Variants in RB1CC1 observed in about 807,000 individuals in gnomAD.
RB1CC1 encodes the protein RB1-inducible coiled-coil protein 1.
In RB1CC1, 46 loss-of-function variants were observed where a neutral mutation model predicts 177.5. The ratio of observed to expected loss-of-function variants is 0.26; its 90% CI spans 0.20 to 0.33. The LOEUF is 0.33. Among genes scored for constraint, RB1CC1 ranks in the 10% least tolerant of loss-of-function variants. The pLI, the probability that RB1CC1 is intolerant of heterozygous loss-of-function variation, is 1.00. For synonymous variants in RB1CC1, 666 were observed against 613.6 expected (o/e 1.09, Z -1.26); for missense variants, 1,703 against 1,816.3 (o/e 0.94, Z 1.13).
intron 1 of RB1CC1, among the ~76,000 whole-genome samples, chr8:52,709,050 A>C (rs1373421484): frequency 6.6e-6 from 1 of 152,040 alleles, no homozygotes; most frequent in Non-Finnish European, 1.5e-5. Context: ...TCTACTAAAA[A>C]CACAAAATTA....
At chr8:52,636,720 C>T (rs1849169594) in intron 18 of RB1CC1, among the ~76,000 whole-genome samples, 1 of 152,102 alleles carries the variant, frequency 6.6e-6, no homozygotes, top group Admixed American at 6.5e-5. Flanking sequence ...ATAATTTTAG[C>T]TTTTACACTT....
chr8:52,714,401 A>ACACCGCCGCGGC lies in RB1CC1; in HGVS notation c.-505_-494dup, dbSNP rs1857328074. On this transcript the variant is annotated 5_prime_UTR_variant, in exon 1 of 24. Transcript: ENST00000025008. ...CGCCGAGGGCTCGGCAGGGCCGCGG[A>ACACCGCCGCGGC]CACCGCCGCGGCTTGGTTTGTTATT... is the stretch of plus-strand genomic sequence containing the variant. The ACACCGCCGCGGC allele has an allele frequency of 6.6e-6, 1 of 152,392 alleles. No homozygotes were observed. Among genetic ancestry groups the ACACCGCCGCGGC allele is most frequent in the Non-Finnish European group, 1.5e-5 (1 of 68,114 alleles). 9.4% of individuals were successfully genotyped at this position (152,392 alleles called of 1,614,324 possible). A position where few individuals can be genotyped will look rare whatever the true frequency, so the allele number is the denominator to read the frequency against.
At chr8:52,711,404 G>A (rs900144346) in intron 1 of RB1CC1, among the ~76,000 whole-genome samples, 7 of 152,140 alleles carry the variant, frequency 4.6e-5, no homozygotes, top group African/African-American at 1.7e-4. Context: ...TGTGAGTTAA[G>A]CAAAAACTCA....
At chr8:52,669,254 C>T (rs1852343383) in intron 7 of RB1CC1, among the ~76,000 whole-genome samples, 1 of 152,160 alleles carries the variant, frequency 6.6e-6, no homozygotes, top group East Asian at 1.9e-4. Flanking sequence ...CTTCATTGAT[C>T]TGATATCAGA....
chr8:52,700,575 CTTAA>C (rs1221975201), intron 1 of RB1CC1, among the ~76,000 whole-genome samples: 11 of 151,986 alleles, frequency 7.2e-5, no homozygotes, highest in Admixed American at 2.0e-4. Flanking sequence ...GCAACATGTT[CTTAA>C]TTAAGTGTGG....
intron 18 of RB1CC1, among the ~76,000 whole-genome samples, chr8:52,638,327 T>C (rs1210814852): frequency 6.6e-6 from 1 of 152,204 alleles, no homozygotes; most frequent in African/African-American, 2.4e-5. Context: ...ATTTCTGAAA[T>C]AAAGCCAATT....
intron 22 of RB1CC1, 141 bp downstream of exon 22, chr8:52,627,891 C>T (rs1189728945): frequency 1.5e-6 from 1 of 664,326 alleles, no homozygotes; most frequent in African/African-American, 1.9e-5. Flanking sequence ...CTAGATAATA[C>T]AGATTTTATA....
chr8:52,678,595 GA>G (rs1186760347), intron 5 of RB1CC1, among the ~76,000 whole-genome samples: 6 of 152,134 alleles, frequency 3.9e-5, no homozygotes. Context: ...GGGATGCAAC[GA>G]AAGAGGAAGT....
chr8:52,670,619 C>T (rs900822360), intron 7 of RB1CC1, among the ~76,000 whole-genome samples: 26 of 152,336 alleles, frequency 1.7e-4, no homozygotes, highest in East Asian at 7.7e-4. Context: ...TAAATGCAGA[C>T]ACTTCCAATT....
At position 52,642,450 on chromosome 8, in the gene RB1CC1, C is replaced by A. The variant is rs1484190793; in HGVS notation, c.4238G>T (p.Cys1413Phe). The stretch of plus-strand genomic sequence containing the variant: ...TGATTCACCTGGGAGTTCAGGTGCA[C>A]AAGCTCCATAAAGTTCTGGGGCTGT... ...VATAPELYGA[C>F]APELPGESDR... Residue 1413 changes from cysteine (C) to phenylalanine (F), a missense_variant, in exon 18 of 24, where the codon TGT becomes TTT. Coordinates refer to ENST00000025008, the MANE Select transcript of RB1CC1 (RefSeq NM_014781.5). The A allele has an allele frequency of 1.2e-6, 2 of 1,614,116 alleles. No homozygotes were observed. Among genetic ancestry groups the A allele is most frequent in the African/African-American group, 2.7e-5 (2 of 75,054 alleles).
At chr8:52,647,230 G>A (rs1028877021) in intron 15 of RB1CC1, among the ~76,000 whole-genome samples, 4 of 151,968 alleles carry the variant, frequency 2.6e-5, no homozygotes, top group African/African-American at 9.7e-5. Context: ...TCCTCCAAAG[G>A]GATAGCTTTA....
chr8:52,660,497 C>A, intron 12 of RB1CC1, 99 bp downstream of exon 12: 1 of 1,157,354 alleles, frequency 8.6e-7, no homozygotes, highest in South Asian at 1.5e-5. Context: ...TTTTTTAAAC[C>A]ACAACAATTT....
At chr8:52,710,818 C>T (rs937407190) in intron 1 of RB1CC1, among the ~76,000 whole-genome samples, 1 of 151,986 alleles carries the variant, frequency 6.6e-6, no homozygotes, top group East Asian at 1.9e-4. Flanking sequence ...AAACATATAA[C>T]CAAATTATTA....
At chr8:52,659,808 C>T (rs1851453461) in intron 12 of RB1CC1, among the ~76,000 whole-genome samples, 1 of 152,110 alleles carries the variant, frequency 6.6e-6, no homozygotes, top group Non-Finnish European at 1.5e-5. Flanking sequence ...GACCAGCTGG[C>T]CAACACGGTG....
chr8:52,651,629 G>A (rs1276364975), intron 15 of RB1CC1, among the ~76,000 whole-genome samples: 1 of 152,186 alleles, frequency 6.6e-6, no homozygotes, highest in African/African-American at 2.4e-5. Flanking sequence ...TGATCAAACT[G>A]CTGGTACCTG....
At position 52,658,133 on chromosome 8, in the gene RB1CC1, G is replaced by A. The variant is rs1851243282; in HGVS notation, c.1794-9C>T. The A allele has an allele frequency of 1.2e-6, 2 of 1,607,190 alleles. No homozygotes were observed. The highest frequency in any genetic ancestry group is 1.3e-5 in the African/African-American group (1 of 74,626). Reference sequence around the variant, plus strand: ...CACAAAGTAAGGGAACCCTGAAACAGAATGCAATGCAATTAGACTTCTGAT... The same window carrying A: ...CACAAAGTAAGGGAACCCTGAAACAAAATGCAATGCAATTAGACTTCTGAT... On this transcript the variant is annotated splice_polypyrimidine_tract_variant and intron_variant, in intron 13 of 23. Coordinates refer to ENST00000025008, the MANE Select transcript of RB1CC1 (RefSeq NM_014781.5).
intron 15 of RB1CC1, among the ~76,000 whole-genome samples, chr8:52,650,197 T>C (rs533733271): frequency 1.1e-3 from 160 of 152,348 alleles, no homozygotes; most frequent in Non-Finnish European, 1.9e-3. Context: ...ATCTTTCTTC[T>C]TCAAAGGTTT....
chr8:52,636,975 T>C (rs1436366825), intron 18 of RB1CC1, among the ~76,000 whole-genome samples: 1 of 152,228 alleles, frequency 6.6e-6, no homozygotes, highest in African/African-American at 2.4e-5. Context: ...CTACAGTGTC[T>C]TATTACCCTT....
In RB1CC1 at chr8:52,657,827, G is replaced by A. The variant is rs754212129; in HGVS notation, c.2002C>T (p.Pro668Ser). 2.5e-6 allele frequency: 4 copies of A among 1,614,072 alleles called. No homozygotes were observed. Among genetic ancestry groups the A allele is most frequent in the Non-Finnish European group, 3.4e-6 (4 of 1,180,010 alleles). Residue 668 changes from proline (P) to serine (S), a missense_variant, in exon 15 of 24, where the codon CCG (proline) becomes TCG (serine). Physicochemically the swap from Pro to Ser is moderately conservative, Grantham distance 74. This residue lies in a region of RB1CC1 where 1,169 missense variants were observed against 1,184.7 expected (regional missense o/e 0.99). Transcript: ENST00000025008. The part of the protein sequence containing the change: ...STAGITTTTS[P>S]RTPPPLTVQD... Reference sequence around the variant, plus strand: ...ACAGTCAGTGGTGGAGGAGTTCTCGGTGAGGTAGTAGTTGTAATTCCTGCT... The same window carrying A: ...ACAGTCAGTGGTGGAGGAGTTCTCGATGAGGTAGTAGTTGTAATTCCTGCT...
Sources: allele counts gnomAD v4.1 joint callset (sites outside exome capture counted in the v4.1 genomes callset), GRCh38; gene constraint gnomAD v4.1.1; regional missense constraint gnomAD v4.1.1; transcripts MANE v1.5; gene names NCBI Gene and HGNC (gene_info 2026-07-23, HGNC 2026-07-21).